The following TRPM3 variants were observed in gnomAD, a reference collection of about 807,000 sequenced individuals.
TRPM3 encodes the protein long transient receptor potential channel 3.
A neutral mutation model predicts 181.2 loss-of-function variants in TRPM3; 77 were observed. That is an observed-to-expected ratio of 0.42 (90% CI 0.35 to 0.51). The LOEUF is 0.51. Ranked by LOEUF, TRPM3 falls within the 20% of genes least tolerant of loss-of-function variation. TRPM3 has a pLI of 0.01. For missense variants in TRPM3, 1,759 were observed against 2,196.7 expected, an observed-to-expected ratio of 0.80 and a Z score of 3.98; for synonymous variants, 745 against 796.4, an observed-to-expected ratio of 0.94 and a Z score of 1.09.
intron 1 of TRPM3, among the ~76,000 whole-genome samples, chr9:71,120,536 G>A (rs1055568061): frequency 2.0e-5 from 3 of 152,292 alleles, no homozygotes; most frequent in South Asian, 2.1e-4. Context: ...CTCACAGCTA[G>A]AGAGAGAGCT....
At chr9:71,019,717 G>A (rs192384279) in intron 1 of TRPM3, among the ~76,000 whole-genome samples, 3 of 151,934 alleles carry the variant, frequency 2.0e-5, no homozygotes, top group Non-Finnish European at 2.9e-5. Context: ...TTACAAATTG[G>A]CAATCTGATT....
chr9:70,677,406 G>A (rs910594344), intron 9 of TRPM3, among the ~76,000 whole-genome samples: 16 of 152,224 alleles, frequency 1.1e-4, no homozygotes, highest in East Asian at 1.9e-4. Flanking sequence ...GAGCTGTAAC[G>A]GTGCCAGAGC....
At chr9:71,179,547 T>C (rs972638021) in intron 1 of TRPM3, among the ~76,000 whole-genome samples, 2 of 152,130 alleles carry the variant, frequency 1.3e-5, no homozygotes, top group African/African-American at 4.8e-5. Flanking sequence ...ATTTGGACAG[T>C]TTAGATAATT....
chr9:70,817,309 T>G (rs564426476), intron 6 of TRPM3, among the ~76,000 whole-genome samples: 73 of 152,336 alleles, frequency 4.8e-4, no homozygotes, highest in African/African-American at 1.7e-3. Flanking sequence ...TTGCTCTTTT[T>G]TCCTGATTGC....
At chr9:70,887,400 TAATC>T (rs1171219728) in intron 1 of TRPM3, among the ~76,000 whole-genome samples, 1 of 152,224 alleles carries the variant, frequency 6.6e-6, no homozygotes, top group Middle Eastern at 3.2e-3. Flanking sequence ...TCTAAAGTGT[TAATC>T]AAACTTAGAA....
chr9:70,866,948 C>G (rs2095662356), intron 1 of TRPM3, among the ~76,000 whole-genome samples: 1 of 152,010 alleles, frequency 6.6e-6, no homozygotes, highest in Non-Finnish European at 1.5e-5. Flanking sequence ...CACACTCTTA[C>G]CCACTCTGCT....
chr9:71,302,050 A>C (rs1359884775), intron 1 of TRPM3, among the ~76,000 whole-genome samples: 2 of 152,144 alleles, frequency 1.3e-5, no homozygotes, highest in Admixed American at 6.6e-5. Flanking sequence ...CTTTGGGAAT[A>C]ATATAGCAAA....
At chr9:71,420,811 GAA>G (rs1491289999) in intron 1 of TRPM3, among the ~76,000 whole-genome samples, 8 of 454 alleles carry the variant, frequency 0.018, no homozygotes, top group South Asian at 0.071. Context: ...AAGAGAGAAA[GAA>G]AGAGAGAAAG....
At chr9:71,210,217 C>T (rs577714002) in intron 1 of TRPM3, among the ~76,000 whole-genome samples, 40 of 152,266 alleles carry the variant, frequency 2.6e-4, no homozygotes, top group South Asian at 8.3e-4. Context: ...ATCTAGGTTG[C>T]GCACTCTTTA....
intron 1 of TRPM3, among the ~76,000 whole-genome samples, chr9:71,074,019 C>A (rs1274504541): frequency 6.6e-6 from 1 of 152,068 alleles, no homozygotes; most frequent in Non-Finnish European, 1.5e-5. Context: ...TAAATTGGAG[C>A]TTTTCAGTCA....
At chr9:70,965,494 A>G (rs1451925775) in intron 1 of TRPM3, among the ~76,000 whole-genome samples, 1 of 152,080 alleles carries the variant, frequency 6.6e-6, no homozygotes, top group Non-Finnish European at 1.5e-5. Flanking sequence ...TGTATTTTAA[A>G]AAGAAGACAT....
At chr9:71,338,957 A>G (rs2090766054) in intron 1 of TRPM3, among the ~76,000 whole-genome samples, 1 of 152,170 alleles carries the variant, frequency 6.6e-6, no homozygotes. Context: ...TGTAGATAAC[A>G]TGATAGTATA....
chr9:71,039,624 A>C (rs1254717505), intron 1 of TRPM3, among the ~76,000 whole-genome samples: 1 of 152,236 alleles, frequency 6.6e-6, no homozygotes, highest in Non-Finnish European at 1.5e-5. Flanking sequence ...TCTCAAGATT[A>C]TTCTTACTAA....
At chr9:70,640,843 G>T (rs2057952557) in intron 9 of TRPM3, among the ~76,000 whole-genome samples, 183 bp from the exon 10 acceptor site, 1 of 152,028 alleles carries the variant, frequency 6.6e-6, no homozygotes, top group African/African-American at 2.4e-5. Context: ...TTGTCACAGG[G>T]CTCTCCTGTA....
chr9:71,069,608 CTT>C (rs71367252), intron 1 of TRPM3, among the ~76,000 whole-genome samples: 13 of 126,642 alleles, frequency 1.0e-4, no homozygotes, highest in East Asian at 2.5e-4. Flanking sequence ...TTCCTTTTTT[CTT>C]TTTTTTTTTT....
intron 1 of TRPM3, among the ~76,000 whole-genome samples, chr9:70,878,981 A>G (rs2132664452): frequency 2.0e-5 from 3 of 152,234 alleles, no homozygotes; most frequent in Admixed American, 2.0e-4. Flanking sequence ...CAGCAATAAC[A>G]GTTTTATAGC....
chr9:71,024,235 G>T (rs1429784687), intron 1 of TRPM3, among the ~76,000 whole-genome samples: 1 of 152,196 alleles, frequency 6.6e-6, no homozygotes, highest in African/African-American at 2.4e-5. Context: ...GAGAAAAGAT[G>T]TGTGTGCATA....
intron 1 of TRPM3, among the ~76,000 whole-genome samples, chr9:71,417,497 A>T (rs1411827393): frequency 1.3e-5 from 2 of 152,044 alleles, no homozygotes; most frequent in Admixed American, 1.3e-4. Context: ...TGAAAGGCAC[A>T]TGCACATACG....
intron 9 of TRPM3, among the ~76,000 whole-genome samples, chr9:70,680,476 C>T (rs2065134913): frequency 6.6e-6 from 1 of 152,108 alleles, no homozygotes; most frequent in Non-Finnish European, 1.5e-5. Context: ...TTGAGTAGCC[C>T]ACTTGTCCCT....
Sources: allele counts gnomAD v4.1 joint callset (sites outside exome capture counted in the v4.1 genomes callset), GRCh38; gene constraint gnomAD v4.1.1; transcripts MANE v1.5; gene names NCBI Gene and HGNC (gene_info 2026-07-23, HGNC 2026-07-21).